CFAP54: variants seen among roughly 807,000 people sequenced by gnomAD.
CFAP54 encodes cilia and flagella associated protein 54.
A neutral mutation model predicts 370.4 loss-of-function variants in CFAP54; 290 were observed. The ratio of observed to expected loss-of-function variants is 0.78; its 90% confidence interval spans 0.71 to 0.86. CFAP54 has a LOEUF of 0.86. Among genes scored for constraint, CFAP54 ranks in the 40% least tolerant of loss-of-function variants. The probability of loss-of-function intolerance (pLI) is 0.00; values close to 1 mark genes in which losing one functional copy is unlikely to be tolerated. For synonymous variants in CFAP54, 1,206 were observed against 1,236.5 expected, an observed-to-expected ratio of 0.98 and a Z score of 0.52; for missense variants, 3,399 against 3,528.7, an observed-to-expected ratio of 0.96 and a Z score of 0.93.
intron 26 of CFAP54, among the ~76,000 whole-genome samples, chr12:96,606,678 G>A (rs150365188): frequency 2.6e-5 from 4 of 152,128 alleles, no homozygotes; most frequent in Non-Finnish European, 4.4e-5. Flanking sequence ...TAGCCTGAGC[G>A]GGCCAGTTGG....
At chr12:96,581,798 C>G (rs1348454356) in intron 22 of CFAP54, among the ~76,000 whole-genome samples, 1 of 151,902 alleles carries the variant, frequency 6.6e-6, no homozygotes, top group Admixed American at 6.6e-5. Flanking sequence ...ATTGACATTG[C>G]TGTATTCCAT....
At chr12:96,594,095 G>C (rs997795195) in intron 24 of CFAP54, among the ~76,000 whole-genome samples, 196 bp from the exon 25 acceptor site, 19 of 152,064 alleles carry the variant, frequency 1.2e-4, no homozygotes, top group African/African-American at 4.6e-4. Flanking sequence ...AAATTTTGAA[G>C]TTTAATTCTA....
At chr12:96,825,448 AT>A (rs1959084024) in intron 65 of CFAP54, among the ~76,000 whole-genome samples, 2 of 116,942 alleles carry the variant, frequency 1.7e-5, no homozygotes, top group South Asian at 4.7e-4. Context: ...TATATGTTAT[AT>A]TATATATAAT....
rs543218372 is a variant in CFAP54, at chr12:96,734,043, T to C, written c.6966-5913T>C. 1.5e-4 allele frequency among the ~76,000 whole-genome samples: 20 copies of C among 136,632 alleles called. No homozygotes were observed. In the East Asian group the frequency reaches 5.0e-3, roughly 34 times the overall value. 89.6% of individuals were successfully genotyped at this position (136,632 alleles called of 152,430 possible). A position where few individuals can be genotyped will look rare whatever the true frequency, so the allele number is the denominator to read the frequency against. On this transcript the variant is annotated intron_variant, in intron 50 of 67. Transcript: ENST00000524981. ...GTTTCCTGTGCACACACTGACTCCATGCTATGTTTGTTGTTGTTGTTATTT... is the reference window on the plus strand; with the variant it reads ...GTTTCCTGTGCACACACTGACTCCACGCTATGTTTGTTGTTGTTGTTATTT...
intron 65 of CFAP54, among the ~76,000 whole-genome samples, chr12:96,827,975 T>C (rs1338169059): frequency 1.8e-5 from 1 of 55,722 alleles, no homozygotes; most frequent in African/African-American, 4.5e-5. Flanking sequence ...CATAGTAATA[T>C]ATTATATTAT....
intron 11 of CFAP54, among the ~76,000 whole-genome samples, chr12:96,535,008 CTGTGTGTGTGTGTGTGTGTGTG>C (rs4018882): frequency 3.0e-4 from 41 of 137,442 alleles, no homozygotes; most frequent in East Asian, 1.3e-3. Flanking sequence ...GTTTTCTTTT[CTGTGTGTGTGTGTGTGTGTGTG>C]TGTGTGTGTG....
chr12:96,503,339 C>T (rs796931298), intron 2 of CFAP54, among the ~76,000 whole-genome samples: 15 of 142,394 alleles, frequency 1.1e-4, no homozygotes, highest in African/African-American at 3.7e-4. Flanking sequence ...CTTTCCCTTC[C>T]TTCCTTCCTG....
Position 96,598,756 on chromosome 12 carries a change from T to C in CFAP54, c.3628T>C (p.Tyr1210His). 1.6e-6 allele frequency: 1 copy of C among 624,084 alleles called. No homozygotes were observed. The highest frequency in any genetic ancestry group is 2.9e-6 in the Non-Finnish European group (1 of 343,944). 38.7% of individuals were successfully genotyped at this position (624,084 alleles called of 1,614,324 possible). Residue 1210 changes from tyrosine (Y) to histidine (H), a missense_variant, in exon 26 of 68, where the codon TAC (tyrosine) becomes CAC (histidine). Transcript: ENST00000524981. Reference protein sequence around the residue: ...IQHMIACCIFYITKILRSWRE... With the variant: ...IQHMIACCIFHITKILRSWRE... ...ACACATGATAGCTTGTTGTATTTTCTACATAACAAAGGTATTTATCTCATT... is the reference window on the plus strand; with the variant it reads ...ACACATGATAGCTTGTTGTATTTTCCACATAACAAAGGTATTTATCTCATT...
At chr12:96,690,927 T>C (rs1957381261) in intron 43 of CFAP54, among the ~76,000 whole-genome samples, 1 of 152,186 alleles carries the variant, frequency 6.6e-6, no homozygotes. Context: ...CCATGGAATT[T>C]AAAAAGCCCA....
chr12:96,612,961 A>G (rs1465396073), intron 26 of CFAP54, among the ~76,000 whole-genome samples: 2 of 152,198 alleles, frequency 1.3e-5, no homozygotes, highest in East Asian at 1.9e-4. Flanking sequence ...AGACAGATCA[A>G]TGAGACAGAA....
At chr12:96,607,467 A>G (rs1956313616) in intron 26 of CFAP54, among the ~76,000 whole-genome samples, 1 of 152,188 alleles carries the variant, frequency 6.6e-6, no homozygotes, top group Non-Finnish European at 1.5e-5. Context: ...ATAGATGAAA[A>G]TTATGGTTAT....
Position 96,534,211 on chromosome 12 carries a change from A to G in CFAP54, c.1689A>G (p.Lys563=). The stretch of plus-strand genomic sequence containing the variant: ...GACAGTCAACTCAAATTTATTTAAA[A>G]AAAATTGCTGTTCATGGTAAGTATT... ...KEGQSTQIYL[K]KIAVHDTCLK... The change falls in exon 11 of 68, where the codon AAA becomes AAG. Residue 563 remains lysine (K), a synonymous_variant. Coordinates refer to ENST00000524981, the MANE Select transcript of CFAP54 (RefSeq NM_001306084.2). The G allele has an allele frequency of 6.9e-7, 1 of 1,446,550 alleles. No homozygotes were observed. The highest frequency in any genetic ancestry group is 1.3e-5 in the South Asian group (1 of 77,154). 89.6% of individuals were successfully genotyped at this position (1,446,550 alleles called of 1,614,324 possible).
At chr12:96,826,974 GATTATATATAATATGCAATTATA>G (rs1959122443) in intron 65 of CFAP54, among the ~76,000 whole-genome samples, 1 of 134,558 alleles carries the variant, frequency 7.4e-6, no homozygotes, top group African/African-American at 2.7e-5. Flanking sequence ...AATTATATAT[GATTATATATAATATGCAATTATA>G]TATGATTAAT....
In CFAP54 at chr12:96,720,579, T is replaced by G. The variant is rs1209834944; in HGVS notation, c.6965+14T>G. On this transcript the variant is annotated intron_variant, in intron 50 of 67. Transcript: ENST00000524981. ...GGCGGCATACAGGTGCGTCTCTCCA[T>G]GCACAGGGGAGGGATACCTTTGAAG... 1 of 1,477,148 alleles carries G rather than the reference T, an allele frequency of 6.8e-7. No individual in the cohort carries two copies. The highest frequency in any genetic ancestry group is 1.4e-5 in the African/African-American group (1 of 70,642). 91.5% of individuals were successfully genotyped at this position (1,477,148 alleles called of 1,614,324 possible). A position where few individuals can be genotyped will look rare whatever the true frequency, so the allele number is the denominator to read the frequency against.
chr12:96,615,839 T>C (rs1240855009), intron 26 of CFAP54, among the ~76,000 whole-genome samples: 106 of 150,588 alleles, frequency 7.0e-4, no homozygotes, highest in Middle Eastern at 3.4e-3. Context: ...GTTAGAATGG[T>C]GATCATTAAA....
chr12:96,533,892 G>T lies in CFAP54; in HGVS notation c.1458G>T (p.Val486=). Residue 486 remains valine, a synonymous_variant, in exon 10 of 68, where the codon GTG becomes GTT. Coordinates refer to ENST00000524981, the MANE Select transcript of CFAP54 (RefSeq NM_001306084.2). The part of the protein sequence containing the change: ...RKDVISVDAA[V]KFIKLAFTYE... The stretch of plus-strand genomic sequence containing the variant: ...ATGTTATTTCTGTGGATGCTGCTGT[G>T]AAATTTATAAAATTAGCTTTTACCT... The T allele has an allele frequency of 6.5e-7, 1 of 1,535,148 alleles. No homozygotes were observed. The highest frequency in any genetic ancestry group is 8.7e-7 in the Non-Finnish European group (1 of 1,146,332).
intron 40 of CFAP54, among the ~76,000 whole-genome samples, chr12:96,683,980 C>T (rs10777805): frequency 0.43 from 65,263 of 151,864 alleles, 14,297 homozygotes; most frequent in African/African-American, 0.47. Flanking sequence ...TTAGTAGAGA[C>T]GGGGTTTCAC....
At chr12:96,694,338 C>T (rs1957418112) in intron 45 of CFAP54, among the ~76,000 whole-genome samples, 1 of 152,164 alleles carries the variant, frequency 6.6e-6, no homozygotes, top group Non-Finnish European at 1.5e-5. Flanking sequence ...ACCTTGTTCT[C>T]TCTGCTCTCT....
chr12:96,793,243 A>T (rs1347428187), intron 63 of CFAP54, among the ~76,000 whole-genome samples: 1 of 151,952 alleles, frequency 6.6e-6, no homozygotes, highest in Non-Finnish European at 1.5e-5. Context: ...ATACATTTGC[A>T]TCCTCATAGC....
Sources: gnomAD v4.1 joint callset for allele counts (sites outside exome capture counted in the v4.1 genomes callset) on GRCh38, gnomAD v4.1.1 for gene constraint, MANE v1.5 for transcripts, NCBI Gene and HGNC (gene_info 2026-07-23, HGNC 2026-07-21) for gene names.